Variants in TRIP13 observed in about 807,000 individuals in gnomAD.
TRIP13 encodes thyroid hormone receptor interactor 13.
TRIP13 carries 25 observed loss-of-function variants against 54.4 expected under a neutral mutation model. The observed-to-expected ratio is 0.46, with a 90% CI of 0.33 to 0.64. The LOEUF (loss-of-function observed/expected upper bound fraction) is 0.64, where lower values mean the gene tolerates loss of function less well. Ranked by LOEUF, TRIP13 falls within the 30% of genes least tolerant of loss-of-function variation. The pLI, the probability that TRIP13 is intolerant of heterozygous loss-of-function variation, is 0.02. For missense variants in TRIP13, 373 were observed against 534.2 expected, an observed-to-expected ratio of 0.70 and a Z score of 2.97; for synonymous variants, 207 against 207.8, an observed-to-expected ratio of 1.00 and a Z score of 0.03.
intron 5 of TRIP13, among the ~76,000 whole-genome samples, chr5:902,033 T>TG (rs1754003451): frequency 1.3e-5 from 2 of 152,232 alleles, no homozygotes; most frequent in Non-Finnish European, 2.9e-5. Flanking sequence ...ATGTAGACTA[T>TG]TTTTTCCTAC....
At position 908,265 on chromosome 5, in the gene TRIP13, T is replaced by A. The variant is rs1316540704; in HGVS notation, c.760-90T>A. The A allele has an allele frequency of 6.7e-7, 1 of 1,499,128 alleles. No individual in the cohort carries two copies. The highest frequency in any genetic ancestry group is 2.3e-5 in the East Asian group (1 of 44,218). The allele number at this position is 1,499,128 out of a possible 1,614,324, so 92.9% of individuals were successfully genotyped here. A position where few individuals can be genotyped will look rare whatever the true frequency, so the allele number is the denominator to read the frequency against. On this transcript the variant is annotated intron_variant, in intron 8 of 12. Transcript: ENST00000166345. This position sits in a 1 kb window ranked among gnomAD's most constrained non-coding sequence, Gnocchi z 5.2. ...GCACGGGAACACCCATTCATTCATCTTTTTCACGTGCTCAGCGGGACGTAT... is the reference window on the plus strand; with the variant it reads ...GCACGGGAACACCCATTCATTCATCATTTTCACGTGCTCAGCGGGACGTAT...
chr5:904,761 G>A (rs1289768700), intron 6 of TRIP13, among the ~76,000 whole-genome samples: 5 of 151,812 alleles, frequency 3.3e-5, no homozygotes, highest in African/African-American at 4.8e-5. Flanking sequence ...TTTCTACATC[G>A]TCTAATCTGC....
At chr5:914,715 A>AC in intron 11 of TRIP13, 138 bp downstream of exon 11, 1 of 671,656 alleles carries the variant, frequency 1.5e-6, no homozygotes, top group Non-Finnish European at 2.6e-6. Context: ...ACATGCATGT[A>AC]CACACGTGTG....
rs1754263602 is a variant in TRIP13 at position 912,663 on chromosome 5, TAA to T, written c.1020+668_1020+669del. On this transcript the variant is annotated intron_variant, in intron 10 of 12. Transcript: ENST00000166345. This position sits in a 1 kb window ranked among gnomAD's most constrained non-coding sequence, Gnocchi z 7.2. Reference sequence around the variant, plus strand: ...GACATGTGCGGTGAGTGTGAGTCAGTAAGGCCGTCGCCATGGGCACAGTGACG... The same window carrying T: ...GACATGTGCGGTGAGTGTGAGTCAGTGGCCGTCGCCATGGGCACAGTGACG... 7.1e-6 allele frequency among the ~76,000 whole-genome samples: 1 copy of T among 140,088 alleles called. No individual in the cohort carries two copies. Among genetic ancestry groups the T allele is most frequent in the South Asian group, 2.3e-4 (1 of 4,318 alleles). 91.9% of individuals were successfully genotyped at this position (140,088 alleles called of 152,430 possible). A position where few individuals can be genotyped will look rare whatever the true frequency, so the allele number is the denominator to read the frequency against.
In TRIP13 at chr5:904,234, A is replaced by G. The variant is rs749091846; in HGVS notation, c.608+14A>G. 1 of 1,603,334 alleles carries G rather than the reference A, an allele frequency of 6.2e-7. No homozygotes were observed. Among genetic ancestry groups the G allele is most frequent in the East Asian group, 2.2e-5 (1 of 44,544 alleles). Reference sequence around the variant, plus strand: ...ACTTTCAAGCAGGTAACTTTCGGTAATCTGTGAGAGGAGAGCCATGGGAAT... The same window carrying G: ...ACTTTCAAGCAGGTAACTTTCGGTAGTCTGTGAGAGGAGAGCCATGGGAAT... On this transcript the variant is annotated intron_variant, in intron 6 of 12. Coordinates refer to ENST00000166345, the MANE Select transcript of TRIP13 (RefSeq NM_004237.4).
At chr5:896,478 A>G (rs910582375) in intron 2 of TRIP13, among the ~76,000 whole-genome samples, 187 bp from the exon 3 acceptor site, 5 of 152,232 alleles carry the variant, frequency 3.3e-5, no homozygotes, top group African/African-American at 1.2e-4. Flanking sequence ...AGGGATGGGT[A>G]TTAGCTTTCA....
At position 896,647 on chromosome 5, in the gene TRIP13, G is replaced by T. The variant is rs772265979; in HGVS notation, c.259-18G>T. ...GAGTTGGAAATGTGTGTCGATATTG[G>T]CTTTTCCCTCATTTTAGCCCATCGA... On this transcript the variant is annotated intron_variant, in intron 2 of 12. Transcript: ENST00000166345. The T allele has an allele frequency of 3.1e-6, 5 of 1,599,152 alleles. No homozygotes were observed. Among genetic ancestry groups the T allele is most frequent in the Non-Finnish European group, 3.4e-6 (4 of 1,170,088 alleles).
intron 1 of TRIP13, among the ~76,000 whole-genome samples, chr5:894,520 C>T (rs1412747150): frequency 1.3e-5 from 2 of 152,204 alleles, no homozygotes; most frequent in South Asian, 2.1e-4. Flanking sequence ...GTATTAATGA[C>T]TTCACAGTAG....
chr5:901,405 C>G lies in TRIP13; in HGVS notation c.509C>G (p.Thr170Ser). 1 of 1,614,186 alleles carries G rather than the reference C, an allele frequency of 6.2e-7. No individual in the cohort carries two copies. Among genetic ancestry groups the G allele is most frequent in the Non-Finnish European group, 8.5e-7 (1 of 1,180,024 alleles). Reference protein sequence around the residue: ...SDKNVNSNLITWNRVVLLHGP... With the variant: ...SDKNVNSNLISWNRVVLLHGP... ...AAGAACGTCAACAGCAACCTCATCA[C>G]CTGGAACCGGGTGGTGCTGCTCCAC... Residue 170 changes from threonine (T) to serine (S), a missense_variant, in exon 5 of 13, where the codon ACC becomes AGC. Coordinates refer to ENST00000166345, the MANE Select transcript of TRIP13 (RefSeq NM_004237.4).
Position 912,804 on chromosome 5 carries a change from G to T in TRIP13, c.1020+808G>T, listed in dbSNP as rs180724491. Among the ~76,000 whole-genome samples, 313 of 152,336 alleles carry T rather than the reference G, an allele frequency of 2.1e-3. 6 individuals are homozygous for T. Among genetic ancestry groups the T allele is most frequent in the East Asian group, 9.6e-4 (5 of 5,182 alleles). ...CCATGCTTGTGTTTCTGCTGCTCTA[G>T]CCCCTGTGGGAACAGACCTGTCCCA... is the stretch of plus-strand genomic sequence containing the variant. On this transcript the variant is annotated intron_variant, in intron 10 of 12. Transcript: ENST00000166345. This position sits in a 1 kb window ranked among gnomAD's most constrained non-coding sequence, Gnocchi z 7.2.
chr5:908,569 G>T lies in TRIP13; in HGVS notation c.866+108G>T. On this transcript the variant is annotated intron_variant, in intron 9 of 12. Transcript: ENST00000166345. The surrounding 1 kb of genome is among the most constrained non-coding windows in gnomAD (Gnocchi z 5.2). ...GATCTTAGTGCCCAGCTCTTTCACCGGAAAGTGCATTTGGCATTGAGTATC... is the reference window on the plus strand; with the variant it reads ...GATCTTAGTGCCCAGCTCTTTCACCTGAAAGTGCATTTGGCATTGAGTATC... The T allele has an allele frequency of 6.5e-7, 1 of 1,538,164 alleles. No homozygotes were observed. The highest frequency in any genetic ancestry group is 8.8e-7 in the Non-Finnish European group (1 of 1,140,388).
chr5:907,057 A>G lies in TRIP13; in HGVS notation c.609-73A>G. On this transcript the variant is annotated intron_variant, in intron 6 of 12. Coordinates refer to ENST00000166345, the MANE Select transcript of TRIP13 (RefSeq NM_004237.4). This position sits in a 1 kb window ranked among gnomAD's most constrained non-coding sequence, Gnocchi z 4.1. ...GGGCACTTGAGATGTTGCATTCAGG[A>G]CGCGTGAATGGCTGCCGCTGAGGAT... 1 of 1,273,232 alleles carries G rather than the reference A, an allele frequency of 7.9e-7. No individual in the cohort carries two copies. The highest frequency in any genetic ancestry group is 1.1e-6 in the Non-Finnish European group (1 of 874,042). The allele number at this position is 1,273,232 out of a possible 1,614,324, so 78.9% of individuals were successfully genotyped here.
In TRIP13 at chr5:916,988, A is replaced by T. The variant is rs954721936; in HGVS notation, c.1204-20A>T. On this transcript the variant is annotated intron_variant, in intron 12 of 12. Transcript: ENST00000166345. ...CAAACGTGAGTTGAGCCCCTCCAGC[A>T]ATGACCGTGTACCTTCTAGGCCCCC... The T allele has an allele frequency of 6.2e-7, 1 of 1,609,906 alleles. No individual in the cohort carries two copies. Among genetic ancestry groups the T allele is most frequent in the African/African-American group, 1.3e-5 (1 of 74,784 alleles).
At chr5:905,814 C>G (rs1369367113) in intron 6 of TRIP13, among the ~76,000 whole-genome samples, 1 of 152,222 alleles carries the variant, frequency 6.6e-6, no homozygotes, top group African/African-American at 2.4e-5. Flanking sequence ...TCAAAAATGT[C>G]TTGTAAATGT....
intron 9 of TRIP13, among the ~76,000 whole-genome samples, chr5:909,130 C>T (rs1754178127): frequency 6.6e-6 from 1 of 152,230 alleles, no homozygotes; most frequent in African/African-American, 2.4e-5. Context: ...GTCCCCTGCT[C>T]GCCCTGCTGG....
Position 907,092 on chromosome 5 carries a change from C to G in TRIP13, c.609-38C>G. The stretch of plus-strand genomic sequence containing the variant: ...GGCTGCCGCTGAGGATCCACAGGAC[C>G]AGTTAGTAATTCTCTCAACTCCTTT... On this transcript the variant is annotated intron_variant, in intron 6 of 12. Transcript: ENST00000166345. The surrounding 1 kb of genome is among the most constrained non-coding windows in gnomAD (Gnocchi z 4.1). 2 of 1,582,782 alleles carry G rather than the reference C, an allele frequency of 1.3e-6. No homozygotes were observed. Among genetic ancestry groups the G allele is most frequent in the South Asian group, 2.2e-5 (2 of 90,252 alleles).
In TRIP13 at chr5:907,965, C is replaced by G. The variant is rs779756768; in HGVS notation, c.673-23C>G. The G allele has an allele frequency of 6.2e-7, 1 of 1,613,870 alleles. No homozygotes were observed. The highest frequency in any genetic ancestry group is 8.5e-7 in the Non-Finnish European group (1 of 1,179,730). On this transcript the variant is annotated intron_variant, in intron 7 of 12. Transcript: ENST00000166345. The surrounding 1 kb of genome is among the most constrained non-coding windows in gnomAD (Gnocchi z 4.1). ...GCAGTGTGGTCCCTGCACGTTGACA[C>G]TAAAAGGGTGTTTGGGTTCCAGAGT...
rs1754260916 is a variant in TRIP13, at chr5:912,584, G to T, written c.1020+588G>T. ...TGAGTCAGGAGGGCCGTCGCCACGGGCACAGTGACGTGCGGTGAGTGTGAG... is the reference window on the plus strand; with the variant it reads ...TGAGTCAGGAGGGCCGTCGCCACGGTCACAGTGACGTGCGGTGAGTGTGAG... On this transcript the variant is annotated intron_variant, in intron 10 of 12. Transcript: ENST00000166345. This position sits in a 1 kb window ranked among gnomAD's most constrained non-coding sequence, Gnocchi z 7.2. Among the ~76,000 whole-genome samples, 1 of 150,314 alleles carries T rather than the reference G, an allele frequency of 6.7e-6. No homozygotes were observed.
At position 911,054 on chromosome 5, in the gene TRIP13, C is replaced by G. The variant is rs1040686428; in HGVS notation, c.867-789C>G. On this transcript the variant is annotated intron_variant, in intron 9 of 12. Transcript: ENST00000166345. The surrounding 1 kb of genome is among the most constrained non-coding windows in gnomAD (Gnocchi z 4.7). ...ATGCTCCCTGGGGGCACCTTGTGCC[C>G]GCTCTGCTGGCTCATGCTGGGTCCT... Among the ~76,000 whole-genome samples, 1 of 152,242 alleles carries G rather than the reference C, an allele frequency of 6.6e-6. No individual in the cohort carries two copies. The highest frequency in any genetic ancestry group is 1.5e-5 in the Non-Finnish European group (1 of 68,032).
Sources: gnomAD v4.1 joint callset for allele counts (sites outside exome capture counted in the v4.1 genomes callset) on GRCh38, gnomAD v4.1.1 for gene constraint, Gnocchi (gnomAD v3.1) non-coding constraint, MANE v1.5 for transcripts, NCBI Gene and HGNC (gene_info 2026-07-23, HGNC 2026-07-21) for gene names.